MAN2A1: variants seen among roughly 807,000 people sequenced by gnomAD.
MAN2A1 encodes the protein mannosidase alpha class 2A member 1, also known as alpha-mannosidase 2.
In MAN2A1, 76 loss-of-function variants were observed where a neutral mutation model predicts 142.6. The ratio of observed to expected loss-of-function variants is 0.53; its 90% CI spans 0.44 to 0.65. The LOEUF is 0.65. MAN2A1 is among the 30% of genes least tolerant of loss of function. MAN2A1 has a pLI of 0.00. For missense variants in MAN2A1, 1,311 were observed against 1,365.1 expected, an observed-to-expected ratio of 0.96 and a Z score of 0.62; for synonymous variants, 559 against 473.2, an observed-to-expected ratio of 1.18 and a Z score of -2.35.
intron 4 of MAN2A1, among the ~76,000 whole-genome samples, chr5:109,734,194 G>A (rs894812749): frequency 3.3e-5 from 5 of 151,108 alleles, no homozygotes; most frequent in African/African-American, 4.9e-5. Context: ...TATTTCTGTG[G>A]GATCGGTGGT....
intron 12 of MAN2A1, among the ~76,000 whole-genome samples, chr5:109,801,368 G>A (rs890860670): frequency 1.3e-5 from 2 of 152,152 alleles, no homozygotes; most frequent in African/African-American, 4.8e-5. Context: ...CAGTAACTTT[G>A]TCAGAATTTC....
chr5:109,724,698 GA>G (rs1247002996), intron 3 of MAN2A1, among the ~76,000 whole-genome samples: 1 of 152,014 alleles, frequency 6.6e-6, no homozygotes, highest in Non-Finnish European at 1.5e-5. Flanking sequence ...AAAAAGAAAA[GA>G]AAAAATCATT....
chr5:109,797,545 C>T (rs1470957135), intron 12 of MAN2A1, among the ~76,000 whole-genome samples: 1 of 151,732 alleles, frequency 6.6e-6, no homozygotes, highest in African/African-American at 2.4e-5. Flanking sequence ...CAAATGCCAA[C>T]AATGAGAAGG....
At chr5:109,711,794 C>A (rs1352756716) in intron 1 of MAN2A1, among the ~76,000 whole-genome samples, 2 of 152,152 alleles carry the variant, frequency 1.3e-5, no homozygotes, top group African/African-American at 4.8e-5. Context: ...AAAACTTTTT[C>A]TTGTCTCTGT....
chr5:109,711,638 A>G (rs147107569), intron 1 of MAN2A1, among the ~76,000 whole-genome samples: 169 of 152,322 alleles, frequency 1.1e-3, no homozygotes, highest in African/African-American at 3.9e-3. Context: ...TGGTTCAACT[A>G]GCTTCTCTAT....
rs367631538 is a variant in MAN2A1, at chr5:109,841,269, A to G, written c.2567-1059A>G. On this transcript the variant is annotated intron_variant, in intron 16 of 21. Coordinates refer to ENST00000261483, the MANE Select transcript of MAN2A1 (RefSeq NM_002372.4). Reference sequence around the variant, plus strand: ...ACCTGAGCAGTATACACTGCACTCTATTTGTAGTCTTTTATCCCTCGCCCC... The same window carrying G: ...ACCTGAGCAGTATACACTGCACTCTGTTTGTAGTCTTTTATCCCTCGCCCC... 1.2e-4 allele frequency among the ~76,000 whole-genome samples: 18 copies of G among 152,218 alleles called. 1 individual carries two copies. The highest frequency in any genetic ancestry group is 5.8e-4 in the East Asian group (3 of 5,170).
Position 109,716,159 on chromosome 5 carries a change from G to C in MAN2A1, c.430G>C (p.Asp144His). 6.2e-7 allele frequency: 1 copy of C among 1,612,216 alleles called. No homozygotes were observed. Among genetic ancestry groups the C allele is most frequent in the South Asian group, 1.1e-5 (1 of 90,882 alleles). ...VYSLISFDNP[D>H]GGVWKQGFDI... is the part of the protein sequence containing the mutation. ...CAGTCTAATTTCTTTTGACAATCCA[G>C]ATGGTGGAGTTTGGAAGCAAGGATT... Residue 144 changes from aspartate (D) to histidine (H), a missense_variant, in exon 3 of 22, where the codon GAT (aspartate) becomes CAT (histidine). Asp to His is a moderately conservative substitution (Grantham distance 81). This residue lies in a region of MAN2A1 where 409 missense variants were observed against 412.7 expected (regional missense o/e 0.99). Coordinates refer to ENST00000261483, the MANE Select transcript of MAN2A1 (RefSeq NM_002372.4).
chr5:109,781,586 A>G lies in MAN2A1; in HGVS notation c.1565A>G (p.Glu522Gly), dbSNP rs777326955. 6.3e-7 allele frequency: 1 copy of G among 1,596,502 alleles called. No homozygotes were observed. Among genetic ancestry groups the G allele is most frequent in the Non-Finnish European group, 8.5e-7 (1 of 1,174,354 alleles). ...TACAAACGAATGGACAGAATCATGG[A>G]ATCTCATTTAAGGTACTTTTACCTT... The part of the protein sequence containing the change: ...PFYKRMDRIM[E>G]SHLRAAEILY... The change falls in exon 9 of 22, where the codon GAA becomes GGA. Residue 522 changes from glutamate (E) to glycine (G), a missense_variant. Around this residue, in one of 3 missense-constraint regions of MAN2A1, gnomAD observed 890 missense variants for 920.5 expected, o/e 0.97. Transcript: ENST00000261483.
intron 8 of MAN2A1, among the ~76,000 whole-genome samples, chr5:109,780,710 C>T (rs1478640418): frequency 6.6e-6 from 1 of 152,098 alleles, no homozygotes; most frequent in African/African-American, 2.4e-5. Context: ...AGTTTGAACT[C>T]ATAAAAACGA....
chr5:109,708,565 G>A (rs191149693), intron 1 of MAN2A1, among the ~76,000 whole-genome samples: 1 of 106,190 alleles, frequency 9.4e-6, no homozygotes, highest in Non-Finnish European at 2.0e-5. Context: ...GAGTTATTAG[G>A]AGAATTGGCT....
intron 5 of MAN2A1, among the ~76,000 whole-genome samples, chr5:109,765,324 C>G (rs968303812): frequency 6.6e-6 from 1 of 152,008 alleles, no homozygotes; most frequent in Non-Finnish European, 1.5e-5. Flanking sequence ...AGAAGTCTCT[C>G]TATTTGACTT....
chr5:109,832,161 CTTTTTTTTTT>C (rs70999945), intron 16 of MAN2A1, among the ~76,000 whole-genome samples: 1 of 51,230 alleles, frequency 2.0e-5, no homozygotes. Context: ...AAGGAGTTTT[CTTTTTTTTTT>C]TTTTTTTTTT....
intron 3 of MAN2A1, among the ~76,000 whole-genome samples, chr5:109,717,019 A>G (rs1473789227): frequency 6.6e-6 from 1 of 151,572 alleles, no homozygotes; most frequent in Non-Finnish European, 1.5e-5. Flanking sequence ...TGATATACAT[A>G]TTTGTTGGTT....
intron 5 of MAN2A1, among the ~76,000 whole-genome samples, chr5:109,763,716 C>T (rs1752915905): frequency 6.6e-6 from 1 of 151,776 alleles, no homozygotes; most frequent in South Asian, 2.1e-4. Context: ...ACTGTTTTTA[C>T]ATTTGATTAT....
Position 109,690,119 on chromosome 5 carries a change from G to A in MAN2A1, c.-299G>A. On this transcript the variant is annotated 5_prime_UTR_variant, in exon 1 of 22. Coordinates refer to ENST00000261483, the MANE Select transcript of MAN2A1 (RefSeq NM_002372.4). The stretch of plus-strand genomic sequence containing the variant: ...CGCCTGCCCCGCGCGCCCTGCCGGA[G>A]GTCGGCGCTGAGCTTGCGATCAAGT... 1 of 330,492 alleles carries A rather than the reference G, an allele frequency of 3.0e-6. No individual in the cohort carries two copies. The highest frequency in any genetic ancestry group is 5.7e-6 in the Non-Finnish European group (1 of 175,938). 20.5% of individuals were successfully genotyped at this position (330,492 alleles called of 1,614,324 possible). A position where few individuals can be genotyped will look rare whatever the true frequency, so the allele number is the denominator to read the frequency against.
intron 2 of MAN2A1, 29 bp downstream of exon 2, chr5:109,713,803 G>T: frequency 1.9e-6 from 3 of 1,544,108 alleles, no homozygotes; most frequent in African/African-American, 1.5e-5. Context: ...AATAATCACT[G>T]GCCTTTTTTT....
chr5:109,738,235 T>G (rs1351152681), intron 4 of MAN2A1, among the ~76,000 whole-genome samples: 6 of 50,504 alleles, frequency 1.2e-4, no homozygotes, highest in Admixed American at 5.2e-4. Flanking sequence ...TATTTTATGT[T>G]TTTTTTTTTT....
intron 1 of MAN2A1, chr5:109,699,941 G>A (rs1023442786): frequency 9.2e-5 from 14 of 152,296 alleles, no homozygotes; most frequent in African/African-American, 3.4e-4. Context: ...AGGTAGTTTG[G>A]CTTCATAAGA....
intron 7 of MAN2A1, among the ~76,000 whole-genome samples, chr5:109,771,065 A>G (rs1753132985): frequency 6.6e-6 from 1 of 152,202 alleles, no homozygotes; most frequent in African/African-American, 2.4e-5. Flanking sequence ...TTAATTAGGA[A>G]TATTTATACT....
Sources: allele counts gnomAD v4.1 joint callset (sites outside exome capture counted in the v4.1 genomes callset), GRCh38; gene constraint gnomAD v4.1.1; regional missense constraint gnomAD v4.1.1; transcripts MANE v1.5; gene names NCBI Gene and HGNC (gene_info 2026-07-23, HGNC 2026-07-21).